The following FAM9A variants were observed in gnomAD, a reference collection of about 807,000 sequenced individuals.
The protein encoded by FAM9A is protein FAM9A.
In FAM9A, 49 loss-of-function variants were observed where a neutral mutation model predicts 25.0. That is an observed-to-expected ratio of 1.96 (90% CI 1.56 to 2.48). FAM9A has a LOEUF of 2.48. FAM9A is among the 30% of genes most tolerant of loss of function. The pLI, the probability that FAM9A is intolerant of heterozygous loss-of-function variation, is 0.00. For synonymous variants in FAM9A, 80 were observed against 85.1 expected, an observed-to-expected ratio of 0.94 and a Z score of 0.33; for missense variants, 266 against 249.3, an observed-to-expected ratio of 1.07 and a Z score of -0.45.
In FAM9A at chrX:8,798,416, T is replaced by A. The variant is rs745854208; in HGVS notation, c.284A>T (p.Asp95Val). 1.7e-6 allele frequency: 2 copies of A among 1,210,665 alleles called. No individual in the cohort carries two copies. The highest frequency in any genetic ancestry group is 4.4e-5 in the Admixed American group (2 of 45,857). Reference protein sequence around the residue: ...RNPFTETREEDVTDEHGEREP... With the variant: ...RNPFTETREEVVTDEHGEREP... ...TCTTTCCCCATGCTCATCAGTTACA[T>A]CTTCCTCCCTTGTTTCTGTAAAAGG... Residue 95 changes from aspartate (D) to valine (V), a missense_variant, in exon 4 of 10, where the codon GAT becomes GTT. Physicochemically the swap from Asp to Val is radical, Grantham distance 152 (BLOSUM62 -3). Transcript: ENST00000381003.
chrX:8,793,662 A>G lies in FAM9A; in HGVS notation c.926T>C (p.Leu309Pro). 8.3e-7 allele frequency: 1 copy of G among 1,203,704 alleles called. No individual in the cohort carries two copies. Among genetic ancestry groups the G allele is most frequent in the East Asian group, 3.0e-5 (1 of 33,774 alleles). The change falls in exon 8 of 10, where the codon CTA (leucine) becomes CCA (proline). Residue 309 changes from leucine to proline, a missense_variant. Coordinates refer to ENST00000381003, the MANE Select transcript of FAM9A (RefSeq NM_174951.3). ...REMKPLLEQL[L>P]KAAKDTKDNY... ...ATGTTACCAAATAGAACAGACCTTT[A>G]GTAATTGCTCAAGTAGCGGCTTCAT...
intron 5 of FAM9A, among the ~76,000 whole-genome samples, chrX:8,796,674 AAC>A (rs1255319336): frequency 8.9e-6 from 1 of 112,219 alleles, no homozygotes; most frequent in Non-Finnish European, 1.9e-5. Context: ...AAGCGTTACA[AAC>A]ACAGACTCTA....
intron 5 of FAM9A, among the ~76,000 whole-genome samples, chrX:8,797,739 C>T (rs773662632): frequency 9.0e-6 from 1 of 110,742 alleles, no homozygotes; most frequent in African/African-American, 3.3e-5. Context: ...CCCTGTGACA[C>T]GCAATTATCT....
At position 8,795,215 on chromosome X, in the gene FAM9A, C is replaced by T. The variant is rs1933516139; in HGVS notation, c.694G>A (p.Glu232Lys). 4.1e-6 allele frequency: 4 copies of T among 987,458 alleles called. No homozygotes were observed. Among genetic ancestry groups the T allele is most frequent in the Non-Finnish European group, 4.2e-6 (3 of 721,029 alleles). The allele number at this position is 987,458 out of a possible 1,213,427, so 81.4% of individuals were successfully genotyped here. Residue 232 changes from glutamate (E) to lysine (K), a missense_variant, in exon 7 of 10, where the codon GAG becomes AAG. Transcript: ENST00000381003. Reference sequence around the variant, plus strand: ...CCTTCTTCTTCCTCCTCTTCTTTCTCCTCCTCCTCCTCCTTCTCTTCCTCC... The same window carrying T: ...CCTTCTTCTTCCTCCTCTTCTTTCTTCTCCTCCTCCTCCTTCTCTTCCTCC... ...EEEEEKEEEEEKEEEEEEGEE... is the reference protein window; with the variant it reads ...EEEEEKEEEEKKEEEEEEGEE...
rs1157491144 is a variant in FAM9A at position 8,791,353 on chromosome X, A to G, written c.957T>C (p.Tyr319=). 3 of 1,205,218 alleles carry G rather than the reference A, an allele frequency of 2.5e-6. No individual in the cohort carries two copies. The highest frequency in any genetic ancestry group is 2.2e-6 in the Non-Finnish European group (2 of 893,349). ...TTTCTTCACTGGAAGAAATGATGCA[A>G]TAATTGTCTTTAGTGTCCTTGGCAG... ...LKAAKDTKDN[Y]CIISSSEESE... is the part of the protein sequence containing the mutation. The change falls in exon 9 of 10, where the codon TAT becomes TAC. Residue 319 remains tyrosine (Y), a synonymous_variant. Coordinates refer to ENST00000381003, the MANE Select transcript of FAM9A (RefSeq NM_174951.3).
chrX:8,794,093 G>A (rs1933499520), intron 7 of FAM9A, among the ~76,000 whole-genome samples: 1 of 111,846 alleles, frequency 8.9e-6, no homozygotes, highest in African/African-American at 3.3e-5. Flanking sequence ...AATTAACTAA[G>A]AAACATTCTT....
At chrX:8,794,255 T>C (rs1933501015) in intron 7 of FAM9A, among the ~76,000 whole-genome samples, 1 of 111,328 alleles carries the variant, frequency 9.0e-6, no homozygotes, top group Non-Finnish European at 1.9e-5. Flanking sequence ...TATACAGTCA[T>C]CCCCTAGATT....
chrX:8,792,306 AG>A (rs1219060623), intron 8 of FAM9A, among the ~76,000 whole-genome samples: 1 of 110,884 alleles, frequency 9.0e-6, no homozygotes, highest in Non-Finnish European at 1.9e-5. Flanking sequence ...CATTTTAGGA[AG>A]GGGAGGGTTT....
At chrX:8,795,055 A>T (rs764082396) in intron 7 of FAM9A, 23 bp downstream of exon 7, 6 of 1,156,878 alleles carry the variant, frequency 5.2e-6, no homozygotes, top group Non-Finnish European at 6.9e-6. Flanking sequence ...TAGGTTAATC[A>T]TAAAGCTAAG....
Position 8,795,175 on chromosome X carries a change from C to G in FAM9A, c.734G>C (p.Gly245Ala). Reference sequence around the variant, plus strand: ...TCCTCCTTCTTCTCCTTCTTCTCCTCCTCCTTCTTCTTCTCCTTCTTCTTC... The same window carrying G: ...TCCTCCTTCTTCTCCTTCTTCTCCTGCTCCTTCTTCTTCTCCTTCTTCTTC... ...EEEEEGEEEG[G>A]GEEGEEGGGG... Residue 245 changes from glycine (G) to alanine (A), a missense_variant, in exon 7 of 10, where the codon GGA becomes GCA. Transcript: ENST00000381003. 9.6e-7 allele frequency: 1 copy of G among 1,045,619 alleles called. No individual in the cohort carries two copies. The highest frequency in any genetic ancestry group is 1.3e-6 in the Non-Finnish European group (1 of 767,543). 86.2% of individuals were successfully genotyped at this position (1,045,619 alleles called of 1,213,427 possible).
intron 3 of FAM9A, 42 bp from the exon 4 acceptor site, chrX:8,798,521 C>T (rs373017947): frequency 1.6e-5 from 19 of 1,193,109 alleles, no homozygotes; most frequent in Non-Finnish European, 1.9e-5. Flanking sequence ...TAGAGGAAGA[C>T]GCTGTTGTGG....
At position 8,798,581 on chromosome X, in the gene FAM9A, C is replaced by T. The variant is rs1020942477; in HGVS notation, c.221-102G>A. On this transcript the variant is annotated intron_variant, in intron 3 of 9. Transcript: ENST00000381003. Reference sequence around the variant, plus strand: ...ATTTGTGGACTTTTTTGGCTCTCTACCAATTAAAGCTTTAAAGCAGAGCTA... The same window carrying T: ...ATTTGTGGACTTTTTTGGCTCTCTATCAATTAAAGCTTTAAAGCAGAGCTA... 23 of 1,132,553 alleles carry T rather than the reference C, an allele frequency of 2.0e-5. No individual in the cohort carries two copies. In the Admixed American group the frequency reaches 6.4e-4, roughly 31 times the overall value. 93.3% of individuals were successfully genotyped at this position (1,132,553 alleles called of 1,213,427 possible). A position where few individuals can be genotyped will look rare whatever the true frequency, so the allele number is the denominator to read the frequency against.
intron 5 of FAM9A, among the ~76,000 whole-genome samples, chrX:8,796,774 A>G (rs1933539285): frequency 8.9e-6 from 1 of 112,298 alleles, no homozygotes; most frequent in Non-Finnish European, 1.9e-5. Context: ...CATACAGAAA[A>G]GTATCTTATT....
Position 8,791,010 on chromosome X carries a change from C to G in FAM9A, c.*194G>C. The stretch of plus-strand genomic sequence containing the variant: ...GGTCTGGCATTTAACAGACAAGTGA[C>G]AGAGGAGCTATACCGATTTATACAA... On this transcript the variant is annotated 3_prime_UTR_variant, in exon 10 of 10. Coordinates refer to ENST00000381003, the MANE Select transcript of FAM9A (RefSeq NM_174951.3). The G allele has an allele frequency of 4.9e-6, 1 of 204,208 alleles. No individual in the cohort carries two copies. The highest frequency in any genetic ancestry group is 9.3e-5 in the East Asian group (1 of 10,703). 16.8% of individuals were successfully genotyped at this position (204,208 alleles called of 1,213,427 possible).
At chrX:8,799,400 C>T (rs1481057846) in intron 2 of FAM9A, among the ~76,000 whole-genome samples, 2 of 110,303 alleles carry the variant, frequency 1.8e-5, no homozygotes, top group African/African-American at 6.6e-5. Flanking sequence ...CTGCGTGGCC[C>T]GGAGGACCAC....
intron 1 of FAM9A, among the ~76,000 whole-genome samples, 170 bp from the exon 2 acceptor site, chrX:8,800,379 C>G (rs759230705): frequency 1.8e-5 from 2 of 111,299 alleles, no homozygotes; most frequent in South Asian, 7.7e-4. Context: ...CTTCGTGGCC[C>G]GTCCAGCCCG....
At chrX:8,800,445 C>A (rs895113126) in intron 1 of FAM9A, among the ~76,000 whole-genome samples, 1 of 110,683 alleles carries the variant, frequency 9.0e-6, no homozygotes, top group Non-Finnish European at 1.9e-5. Context: ...ATGGCCCCTG[C>A]AGGATCCTTG....
In FAM9A at chrX:8,798,983, G is replaced by T. The variant is rs138064338; in HGVS notation, c.203C>A (p.Pro68Gln). 2 of 1,212,483 alleles carry T rather than the reference G, an allele frequency of 1.6e-6. No individual in the cohort carries two copies. The highest frequency in any genetic ancestry group is 3.4e-5 in the African/African-American group (2 of 58,018). ...GTGTTTACCTGTGTGCTTCTTCGCC[G>T]GGGCGGCCCTAACTTGAGCTTCCAA... ...AQLEAQVRAA[P>Q]AKKHTGKDPV... The change falls in exon 3 of 10, where the codon CCG (proline) becomes CAG (glutamine). Residue 68 changes from proline (P) to glutamine (Q), a missense_variant. Pro to Gln is a moderately conservative substitution (Grantham distance 76). Transcript: ENST00000381003.
Position 8,795,105 on chromosome X carries a change from TTCTTCC to T in FAM9A, c.798_803del (p.Glu274_Glu275del), listed in dbSNP as rs769470381. 1.8e-5 allele frequency: 21 copies of T among 1,162,572 alleles called. No individual in the cohort carries two copies. The Admixed American group carries it at 3.0e-4, about 17-fold the overall frequency. On this transcript the variant is annotated inframe_deletion, in exon 7 of 10. Coordinates refer to ENST00000381003, the MANE Select transcript of FAM9A (RefSeq NM_174951.3). ...TTTGTTCTTCCTCTTCCTCTTCTTC[TTCTTCC>T]TCTTCCTCTTCTTCTGTTTCTTCTC...
Sources: gnomAD v4.1 joint callset for allele counts (sites outside exome capture counted in the v4.1 genomes callset) on GRCh38, gnomAD v4.1.1 for gene constraint, MANE v1.5 for transcripts, NCBI Gene and HGNC (gene_info 2026-07-23, HGNC 2026-07-21) for gene names.